The following GLIS3 variants were observed in gnomAD, a reference collection of about 807,000 sequenced individuals.
GLIS3 encodes GLIS family zinc finger 3, also known as zinc finger protein GLIS3.
A neutral mutation model predicts 78.6 loss-of-function variants in GLIS3; 53 were observed. That is an observed-to-expected ratio of 0.67 (90% confidence interval 0.54 to 0.85). The LOEUF (loss-of-function observed/expected upper bound fraction) is 0.85. Ranked by LOEUF, GLIS3 falls within the 40% of genes least tolerant of loss-of-function variation. GLIS3 has a pLI of 0.00. For synonymous variants in GLIS3, 684 were observed against 509.9 expected (o/e 1.34, Z -4.60); for missense variants, 1,703 against 1,231.1 (o/e 1.38, Z -5.74).
At chr9:4,033,815 T>C (rs1824061729) in intron 4 of GLIS3, among the ~76,000 whole-genome samples, 1 of 126,658 alleles carries the variant, frequency 7.9e-6, no homozygotes, top group East Asian at 2.5e-4. Flanking sequence ...TTCATGCACA[T>C]GGCAACACAA....
chr9:4,296,275 G>A (rs147185297), intron 1 of GLIS3, among the ~76,000 whole-genome samples: 285 of 143,354 alleles, frequency 2.0e-3, no homozygotes, highest in African/African-American at 7.0e-3. Flanking sequence ...TTTACTAGCA[G>A]GAAAGAACAG....
intron 2 of GLIS3, among the ~76,000 whole-genome samples, chr9:4,243,122 C>G (rs918800428): frequency 6.6e-6 from 1 of 152,096 alleles, no homozygotes; most frequent in Non-Finnish European, 1.5e-5. Context: ...CAAGAATCCT[C>G]TCTTGAGAAA....
intron 4 of GLIS3, among the ~76,000 whole-genome samples, chr9:3,968,381 A>G (rs571893327): frequency 4.6e-5 from 7 of 152,236 alleles, no homozygotes; most frequent in Non-Finnish European, 8.8e-5. Flanking sequence ...TACAGAAAGC[A>G]TATCAGTTAA....
At chr9:4,380,983 G>C in the GLIS3 span, among the ~76,000 whole-genome samples, 1 of 152,178 alleles carries the variant, frequency 6.6e-6, no homozygotes, top group Non-Finnish European at 1.5e-5. Context: ...AAAAATGTGG[G>C]AGGACAGGCA....
Position 3,861,496 on chromosome 9 carries a change from T to C in GLIS3, c.2298-5312A>G, listed in dbSNP as rs76560138. Among the ~76,000 whole-genome samples, 275 of 151,770 alleles carry C rather than the reference T, an allele frequency of 1.8e-3. 10 individuals carry two copies. In the East Asian group the frequency reaches 0.05, roughly 28 times the overall value. On this transcript the variant is annotated intron_variant, in intron 8 of 10. Coordinates refer to ENST00000381971, the MANE Select transcript of GLIS3 (RefSeq NM_001042413.2). Reference sequence around the variant, plus strand: ...AAAGATACATGCATGTGTACGTTCATTGCAGCACTATTCACAATAGCAAAA... The same window carrying C: ...AAAGATACATGCATGTGTACGTTCACTGCAGCACTATTCACAATAGCAAAA...
chr9:4,306,619 C>T (rs559934175), intron 4 of GLIS3, among the ~76,000 whole-genome samples: 2 of 152,300 alleles, frequency 1.3e-5, no homozygotes, highest in African/African-American at 4.8e-5. Context: ...AAAACAGAGG[C>T]ACCCAGATTT....
intron 4 of GLIS3, among the ~76,000 whole-genome samples, chr9:3,995,691 G>A (rs988995713): frequency 5.3e-5 from 8 of 152,082 alleles, no homozygotes; most frequent in African/African-American, 1.9e-4. Flanking sequence ...ATTAAACAGT[G>A]GAGAAGACAC....
chr9:4,409,769 TAAAAC>T, the GLIS3 span, among the ~76,000 whole-genome samples: 1 of 152,112 alleles, frequency 6.6e-6, no homozygotes, highest in East Asian at 1.9e-4. Flanking sequence ...GAATTTCTCA[TAAAAC>T]AAAGATTGTC....
intron 8 of GLIS3, among the ~76,000 whole-genome samples, chr9:3,866,186 T>A (rs2093204300): frequency 6.6e-6 from 1 of 152,246 alleles, no homozygotes; most frequent in African/African-American, 2.4e-5. Flanking sequence ...GAGGTAAGCA[T>A]TCTGCACAAG....
chr9:4,405,272 T>A, the GLIS3 span, among the ~76,000 whole-genome samples: 2 of 151,666 alleles, frequency 1.3e-5, no homozygotes, highest in Non-Finnish European at 2.9e-5. Flanking sequence ...GAGAATCACT[T>A]GAACCCAGGC....
In GLIS3 at chr9:4,286,114, T is replaced by C; in HGVS notation, c.312A>G (p.Gly104=). 2 of 1,613,596 alleles carry C rather than the reference T, an allele frequency of 1.2e-6. No homozygotes were observed. Among genetic ancestry groups the C allele is most frequent in the Middle Eastern group, 1.7e-4 (1 of 6,060 alleles). The change falls in exon 2 of 11, where the codon GGA becomes GGG. Residue 104 remains glycine, a synonymous_variant. Coordinates refer to ENST00000381971, the MANE Select transcript of GLIS3 (RefSeq NM_001042413.2). ...GKPRFQVTQA[G]GMSGSHTLKP... is the part of the protein sequence containing the mutation. ...TTAAAGTATGTGACCCTGACATGCC[T>C]CCAGCCTGGGTGACCTGGAATCGCG...
chr9:4,008,917 A>C (rs933417934), intron 4 of GLIS3, among the ~76,000 whole-genome samples: 3 of 151,988 alleles, frequency 2.0e-5, no homozygotes, highest in African/African-American at 7.3e-5. Flanking sequence ...AGTAAAATTC[A>C]GGTCCCCTAA....
the GLIS3 span, among the ~76,000 whole-genome samples, chr9:4,384,066 C>G: frequency 6.6e-6 from 1 of 152,204 alleles, no homozygotes; most frequent in Non-Finnish European, 1.5e-5. Flanking sequence ...AGAGTAGTCT[C>G]TTTTATTTCC....
At chr9:4,323,186 CTTGT>C (rs1309936583) in intron 2 of GLIS3, among the ~76,000 whole-genome samples, 2 of 152,124 alleles carry the variant, frequency 1.3e-5, no homozygotes, top group African/African-American at 4.8e-5. Context: ...TTCCCCATTG[CTTGT>C]TTTTCTCAGG....
At chr9:4,195,242 C>T (rs544915667) in intron 2 of GLIS3, among the ~76,000 whole-genome samples, 1 of 112,060 alleles carries the variant, frequency 8.9e-6, no homozygotes, top group Non-Finnish European at 1.8e-5. Flanking sequence ...GTGGGAGCCC[C>T]TGTCTGGGCT....
chr9:4,331,348 T>G (rs906841217), intron 2 of GLIS3, among the ~76,000 whole-genome samples: 1 of 152,044 alleles, frequency 6.6e-6, no homozygotes, highest in Non-Finnish European at 1.5e-5. Context: ...TAGGGCACAC[T>G]TTTATCCACT....
intron 2 of GLIS3, among the ~76,000 whole-genome samples, chr9:4,166,134 TG>T (rs1332052243): frequency 6.6e-6 from 1 of 152,182 alleles, no homozygotes; most frequent in African/African-American, 2.4e-5. Context: ...CAGAAAACAA[TG>T]GCACATCACA....
At chr9:4,030,974 G>A (rs1823787258) in intron 4 of GLIS3, among the ~76,000 whole-genome samples, 2 of 152,112 alleles carry the variant, frequency 1.3e-5, no homozygotes, top group African/African-American at 4.8e-5. Context: ...CACCAGGATG[G>A]CTACCAAAAA....
At chr9:4,136,701 G>C (rs1833432409) in intron 2 of GLIS3, among the ~76,000 whole-genome samples, 1 of 152,134 alleles carries the variant, frequency 6.6e-6, no homozygotes, top group Non-Finnish European at 1.5e-5. Flanking sequence ...AAACGAAAGG[G>C]AGGAGGCACA....
Sources: allele counts gnomAD v4.1 joint callset (sites outside exome capture counted in the v4.1 genomes callset), GRCh38; gene constraint gnomAD v4.1.1; transcripts MANE v1.5; gene names NCBI Gene and HGNC (gene_info 2026-07-23, HGNC 2026-07-21).